ROBO1: variants seen among roughly 807,000 people sequenced by gnomAD.
The protein encoded by ROBO1 is roundabout guidance receptor 1.
A neutral mutation model predicts 195.9 loss-of-function variants in ROBO1; 149 were observed. The observed-to-expected ratio is 0.76, with a 90% CI of 0.67 to 0.87. ROBO1 has a LOEUF of 0.87. Ranked by LOEUF, ROBO1 falls within the 40% of genes least tolerant of loss-of-function variation. ROBO1 has a pLI of 0.00. For synonymous variants in ROBO1, 816 were observed against 733.2 expected (o/e 1.11, Z -1.82); for missense variants, 1,933 against 2,068.3 (o/e 0.93, Z 1.27).
intron 3 of ROBO1, among the ~76,000 whole-genome samples, chr3:79,121,539 C>T (rs1022738969): frequency 4.0e-5 from 6 of 151,744 alleles, no homozygotes; most frequent in Non-Finnish European, 5.9e-5. Context: ...CCTAAATACC[C>T]CTATTTGAAA....
chr3:79,559,287 AT>A (rs1178956427), intron 2 of ROBO1, among the ~76,000 whole-genome samples: 1 of 152,130 alleles, frequency 6.6e-6, no homozygotes, highest in African/African-American at 2.4e-5. Flanking sequence ...TCCATGAATT[AT>A]TTTTTGCTCA....
intron 2 of ROBO1, among the ~76,000 whole-genome samples, chr3:79,274,785 G>A (rs1182593234): frequency 1.3e-5 from 2 of 151,892 alleles, no homozygotes; most frequent in Admixed American, 6.6e-5. Flanking sequence ...AGTAAAATCC[G>A]AAATGATGAA....
intron 1 of ROBO1, among the ~76,000 whole-genome samples, chr3:79,718,075 G>C (rs1284402036): frequency 2.0e-5 from 3 of 152,052 alleles, no homozygotes; most frequent in Admixed American, 6.6e-5. Context: ...GGGGATTGTA[G>C]TTAGACAAAA....
chr3:79,590,517 T>C (rs1385999227), intron 1 of ROBO1, among the ~76,000 whole-genome samples: 1 of 151,794 alleles, frequency 6.6e-6, no homozygotes, highest in Non-Finnish European at 1.5e-5. Context: ...CATAAGCTAG[T>C]GTCCTTGTAA....
intron 2 of ROBO1, among the ~76,000 whole-genome samples, chr3:79,380,858 C>T (rs1256880549): frequency 6.6e-6 from 1 of 152,094 alleles, no homozygotes; most frequent in Non-Finnish European, 1.5e-5. Flanking sequence ...CTTATGCTTG[C>T]TCTCTTATAA....
intron 2 of ROBO1, among the ~76,000 whole-genome samples, chr3:79,141,526 T>C (rs1464884907): frequency 2.0e-5 from 3 of 151,686 alleles, no homozygotes; most frequent in African/African-American, 7.3e-5. Context: ...TTCCATTGAT[T>C]TCCTCTCAGT....
chr3:78,814,475 G>A (rs1241143549), intron 4 of ROBO1, among the ~76,000 whole-genome samples: 1 of 151,946 alleles, frequency 6.6e-6, no homozygotes, highest in Non-Finnish European at 1.5e-5. Flanking sequence ...AGAGCCTCAT[G>A]TGGCCAGAGT....
At chr3:78,888,924 G>C (rs934094245) in intron 4 of ROBO1, among the ~76,000 whole-genome samples, 1 of 152,132 alleles carries the variant, frequency 6.6e-6, no homozygotes, top group Non-Finnish European at 1.5e-5. Context: ...GGATGTTTTT[G>C]TATGTCATAC....
In ROBO1 at chr3:79,299,194, T is replaced by A. The variant is rs544474227; in HGVS notation, c.89-173655A>T. 2.6e-5 allele frequency among the ~76,000 whole-genome samples: 4 copies of A among 152,310 alleles called. No homozygotes were observed. In the South Asian group the frequency reaches 8.3e-4, roughly 32 times the overall value. ...AACATGAGGTATATTGAAGTTTACATCGCATTTAGCATAGACCAGTATTTC... is the reference window on the plus strand; with the variant it reads ...AACATGAGGTATATTGAAGTTTACAACGCATTTAGCATAGACCAGTATTTC... On this transcript the variant is annotated intron_variant, in intron 2 of 30. Transcript: ENST00000464233.
intron 8 of ROBO1, among the ~76,000 whole-genome samples, chr3:78,690,336 T>C (rs1160158915): frequency 2.0e-5 from 3 of 151,930 alleles, no homozygotes; most frequent in Non-Finnish European, 4.4e-5. Flanking sequence ...TAGAAAATTA[T>C]AGGAGACCTG....
At chr3:79,565,871 C>T (rs1003294571) in intron 2 of ROBO1, among the ~76,000 whole-genome samples, 1 of 152,176 alleles carries the variant, frequency 6.6e-6, no homozygotes, top group Non-Finnish European at 1.5e-5. Flanking sequence ...TTTGCTTACC[C>T]TTTTAAATGA....
chr3:79,393,875 T>A (rs773291136), intron 2 of ROBO1, among the ~76,000 whole-genome samples: 7 of 152,170 alleles, frequency 4.6e-5, no homozygotes, highest in Non-Finnish European at 8.8e-5. Context: ...CCCGAACATC[T>A]GAATAACATC....
intron 2 of ROBO1, among the ~76,000 whole-genome samples, chr3:79,307,935 C>T (rs1329437907): frequency 6.6e-6 from 1 of 152,132 alleles, no homozygotes; most frequent in Non-Finnish European, 1.5e-5. Flanking sequence ...TTTGGAATCA[C>T]TGAGCCTGAT....
chr3:79,116,458 CTTTCTTTG>C (rs1356352771), intron 3 of ROBO1, among the ~76,000 whole-genome samples: 1 of 141,338 alleles, frequency 7.1e-6, no homozygotes, highest in Non-Finnish European at 1.5e-5. Context: ...CTTTCCCTTT[CTTTCTTTG>C]TTTCTTTCTC....
chr3:78,851,464 CCACTTTCCTCAT>C lies in ROBO1; in HGVS notation c.499+87125_499+87136del, dbSNP rs2034061585. ...AGTCGGGACTCTAACTAACCAGGTC[CCACTTTCCTCAT>C]CACAGAGTAGCTGTGGATATTATAC... On this transcript the variant is annotated intron_variant, in intron 4 of 30. Transcript: ENST00000464233. Among the ~76,000 whole-genome samples, 2 of 152,120 alleles carry C rather than the reference CCACTTTCCTCAT, an allele frequency of 1.3e-5. 1 individual carries two copies. Among genetic ancestry groups the C allele is most frequent in the South Asian group, 4.1e-4 (2 of 4,830 alleles).
chr3:79,049,310 C>G (rs1472529323), intron 3 of ROBO1, among the ~76,000 whole-genome samples: 1 of 151,786 alleles, frequency 6.6e-6, no homozygotes, highest in Non-Finnish European at 1.5e-5. Context: ...GATTGAAGAT[C>G]AAATTAATGA....
intron 2 of ROBO1, among the ~76,000 whole-genome samples, chr3:79,477,421 T>C (rs1938600876): frequency 6.6e-6 from 1 of 152,182 alleles, no homozygotes; most frequent in Non-Finnish European, 1.5e-5. Context: ...ATAGGTATAA[T>C]GAGGATTTAT....
intron 4 of ROBO1, among the ~76,000 whole-genome samples, chr3:78,827,323 T>TG (rs1465005980): frequency 2.0e-5 from 3 of 152,278 alleles, no homozygotes; most frequent in African/African-American, 7.2e-5. Context: ...ACATAAGGGA[T>TG]AGTCTACTTC....
chr3:78,996,348 A>AC (rs2077366393), intron 3 of ROBO1, among the ~76,000 whole-genome samples: 1 of 150,620 alleles, frequency 6.6e-6, no homozygotes, highest in Non-Finnish European at 1.5e-5. Context: ...AACAAAAAAA[A>AC]AAAACTCCCA....
Sources: allele counts gnomAD v4.1 joint callset (sites outside exome capture counted in the v4.1 genomes callset), GRCh38; gene constraint gnomAD v4.1.1; transcripts MANE v1.5; gene names NCBI Gene and HGNC (gene_info 2026-07-23, HGNC 2026-07-21).